The following PANK2 variants were observed in gnomAD, a reference collection of about 807,000 sequenced individuals.
The protein encoded by PANK2 is pantothenate kinase 2, mitochondrial.
A neutral mutation model predicts 43.1 loss-of-function variants in PANK2; 36 were observed. The ratio of observed to expected loss-of-function variants is 0.84; its 90% CI spans 0.64 to 1.10. The LOEUF is 1.10. Ranked by LOEUF, PANK2 falls within the 50% of genes least tolerant of loss-of-function variation. The pLI, the probability that PANK2 is intolerant of heterozygous loss-of-function variation, is 0.00. For synonymous variants in PANK2, 281 were observed against 238.2 expected, an observed-to-expected ratio of 1.18 and a Z score of -1.66; for missense variants, 576 against 593.3, an observed-to-expected ratio of 0.97 and a Z score of 0.30.
rs778032232 is a variant in PANK2, at chr20:3,908,227, C to G, written c.600C>G (p.Val200=). ...AAAACTTCTCGAGTCTCCACACTGT[C>G]TTTTGTGCCACTGGAGGTGGAGCGT... The change falls in exon 2 of 7, where the codon GTC becomes GTG. Residue 200 remains valine (V), a synonymous_variant. Coordinates refer to ENST00000610179, the MANE Select transcript of PANK2 (RefSeq NM_001386393.1). 6.8e-5 allele frequency: 109 copies of G among 1,612,888 alleles called. No homozygotes were observed. The highest frequency in any genetic ancestry group is 8.9e-5 in the Non-Finnish European group (105 of 1,180,032).
At chr20:3,912,170 C>T (rs768038540) in intron 3 of PANK2, among the ~76,000 whole-genome samples, 1 of 152,124 alleles carries the variant, frequency 6.6e-6, no homozygotes, top group South Asian at 2.1e-4. Flanking sequence ...AGCATGGCCC[C>T]AGGCGTGTCA....
rs1600602963 is a variant in PANK2, at chr20:3,929,716, A to T, written c.*6422A>T. ...GAGGCCTGTGCCACTGCTGTCAGCT[A>T]CAGAGCCTGATCTTGAGCATCCTGT... On this transcript the variant is annotated 3_prime_UTR_variant, in exon 7 of 7. Coordinates refer to ENST00000610179, the MANE Select transcript of PANK2 (RefSeq NM_001386393.1). 1 of 152,390 alleles carries T rather than the reference A, an allele frequency of 6.6e-6. No homozygotes were observed. The highest frequency in any genetic ancestry group is 1.9e-4 in the East Asian group (1 of 5,182). The allele number at this position is 152,390 out of a possible 1,614,324, so 9.4% of individuals were successfully genotyped here. A position where few individuals can be genotyped will look rare whatever the true frequency, so the allele number is the denominator to read the frequency against.
At chr20:3,903,794 ATTTT>A (rs1420247434) in intron 1 of PANK2, among the ~76,000 whole-genome samples, 1 of 151,390 alleles carries the variant, frequency 6.6e-6, no homozygotes, top group African/African-American at 2.4e-5. Context: ...CGCCCGGCTA[ATTTT>A]TTTTATTTTT....
intron 3 of PANK2, among the ~76,000 whole-genome samples, chr20:3,912,125 G>T (rs530432046): frequency 5.3e-5 from 8 of 152,290 alleles, no homozygotes; most frequent in African/African-American, 1.9e-4. Context: ...ATGACTCAGG[G>T]AATGTACTTG....
At chr20:3,909,388 G>A (rs1181364997) in intron 2 of PANK2, among the ~76,000 whole-genome samples, 2 of 151,232 alleles carry the variant, frequency 1.3e-5, no homozygotes, top group East Asian at 2.0e-4. Flanking sequence ...CCCAGATTCT[G>A]CCTGTTATTC....
At chr20:3,890,453 T>C (rs1355547076) in intron 1 of PANK2, among the ~76,000 whole-genome samples, 1 of 152,194 alleles carries the variant, frequency 6.6e-6, no homozygotes, top group Non-Finnish European at 1.5e-5. Flanking sequence ...CCCATTTTAT[T>C]AGGTTTCTTT....
chr20:3,892,630 C>T (rs1377009138), intron 1 of PANK2, among the ~76,000 whole-genome samples: 3 of 147,104 alleles, frequency 2.0e-5, no homozygotes, highest in East Asian at 2.0e-4. Context: ...GATCGAAGAT[C>T]GCGCCACTGC....
Position 3,917,024 on chromosome 20 carries a change from A to G in PANK2, c.1180A>G (p.Ile394Val), listed in dbSNP as rs2090572419. Residue 394 changes from isoleucine to valine, a missense_variant, in exon 5 of 7, where the codon ATA becomes GTA. Physicochemically the swap from Ile to Val is conservative, Grantham distance 29. Coordinates refer to ENST00000610179, the MANE Select transcript of PANK2 (RefSeq NM_001386393.1). ...CACCATCACCAACAACATTGGCTCA[A>G]TAGCAAGAATGTGTGCCCTTAATGA... 2.5e-6 allele frequency: 4 copies of G among 1,614,094 alleles called. No individual in the cohort carries two copies. The highest frequency in any genetic ancestry group is 2.5e-6 in the Non-Finnish European group (3 of 1,180,000).
intron 1 of PANK2, among the ~76,000 whole-genome samples, chr20:3,900,750 A>G (rs1336218578): frequency 6.6e-6 from 1 of 151,746 alleles, no homozygotes; most frequent in Non-Finnish European, 1.5e-5. Flanking sequence ...CATTCCCATC[A>G]TTTATTTATT....
Position 3,923,648 on chromosome 20 carries a change from C to G in PANK2, c.*354C>G, listed in dbSNP as rs927503810. On this transcript the variant is annotated 3_prime_UTR_variant, in exon 7 of 7. Coordinates refer to ENST00000610179, the MANE Select transcript of PANK2 (RefSeq NM_001386393.1). ...TGACTGGTTTTGTGTCCTGTTTGAA[C>G]TTGCTGAATGTAAGGCAGGCTACTA... 2.2e-5 allele frequency: 8 copies of G among 359,968 alleles called. No individual in the cohort carries two copies. In the Admixed American group the frequency reaches 3.3e-4, roughly 15 times the overall value. The allele number at this position is 359,968 out of a possible 1,614,324, so 22.3% of individuals were successfully genotyped here.
chr20:3,889,785 C>T (rs1452761652), intron 1 of PANK2, 57 bp downstream of exon 1: 60 of 1,561,298 alleles, frequency 3.8e-5, no homozygotes, highest in Non-Finnish European at 4.9e-5. Context: ...CCGGCCCACC[C>T]TGTCCCCTTC....
chr20:3,892,235 TC>T (rs2090134026), intron 1 of PANK2, among the ~76,000 whole-genome samples: 1 of 151,872 alleles, frequency 6.6e-6, no homozygotes, highest in South Asian at 2.1e-4. Flanking sequence ...TCCCAGCTAC[TC>T]AGGAGGCTGA....
rs1365027113 is a variant in PANK2, at chr20:3,927,675, A to G, written c.*4381A>G. On this transcript the variant is annotated 3_prime_UTR_variant, in exon 7 of 7. Transcript: ENST00000610179. ...CTCTAGGAAGACCAGCTGTCACCAG[A>G]AGGGAGTTCCTAACACTTGCCACAC... 6.6e-6 allele frequency: 1 copy of G among 152,186 alleles called. No individual in the cohort carries two copies. Among genetic ancestry groups the G allele is most frequent in the East Asian group, 1.9e-4 (1 of 5,196 alleles). 9.4% of individuals were successfully genotyped at this position (152,186 alleles called of 1,614,324 possible).
At chr20:3,920,934 G>A (rs1600578359) in intron 6 of PANK2, among the ~76,000 whole-genome samples, 1 of 152,154 alleles carries the variant, frequency 6.6e-6, no homozygotes, top group Admixed American at 6.5e-5. Flanking sequence ...CTTATTGCTC[G>A]CTGACTTTGT....
At chr20:3,913,752 G>T (rs2090507150) in intron 4 of PANK2, among the ~76,000 whole-genome samples, 1 of 143,826 alleles carries the variant, frequency 7.0e-6, no homozygotes, top group African/African-American at 2.5e-5. Context: ...GTAAGTCTTT[G>T]TATGTATGCA....
chr20:3,918,290 T>G (rs1208524619), intron 5 of PANK2, among the ~76,000 whole-genome samples: 1 of 152,210 alleles, frequency 6.6e-6, no homozygotes, highest in East Asian at 1.9e-4. Flanking sequence ...GGTTTGAATT[T>G]TTCGCTGCCT....
At chr20:3,908,811 C>CG in intron 2 of PANK2, 1 of 167,710 alleles carries the variant, frequency 6.0e-6, no homozygotes, top group Non-Finnish European at 1.3e-5. Flanking sequence ...TTCTGTGCTG[C>CG]ACACTTAACT....
intron 2 of PANK2, among the ~76,000 whole-genome samples, chr20:3,909,341 A>C (rs529182747): frequency 6.6e-6 from 1 of 152,092 alleles, no homozygotes; most frequent in Non-Finnish European, 1.5e-5. Flanking sequence ...CAGCCTCCCA[A>C]AGTGCTGGGA....
At chr20:3,899,703 CTTTTTTTTTTTTTTT>C (rs11469308) in intron 1 of PANK2, among the ~76,000 whole-genome samples, 1 of 89,026 alleles carries the variant, frequency 1.1e-5, no homozygotes, top group African/African-American at 4.2e-5. Flanking sequence ...ATCAGTTGTA[CTTTTTTTTTTTTTTT>C]TTTTTTTGAG....
Sources: allele counts gnomAD v4.1 joint callset (sites outside exome capture counted in the v4.1 genomes callset), GRCh38; gene constraint gnomAD v4.1.1; transcripts MANE v1.5; gene names NCBI Gene and HGNC (gene_info 2026-07-23, HGNC 2026-07-21).